The following MYO3A variants were observed in gnomAD, a reference collection of about 807,000 sequenced individuals.
MYO3A encodes myosin-IIIa.
In MYO3A, 180 loss-of-function variants were observed where a neutral mutation model predicts 192.7. The ratio of observed to expected loss-of-function variants is 0.93; its 90% confidence interval spans 0.83 to 1.06. The LOEUF is 1.06. Among genes scored for constraint, MYO3A ranks in the 50% least tolerant of loss-of-function variants. The pLI, the probability that MYO3A is intolerant of heterozygous loss-of-function variation, is 0.00. For synonymous variants in MYO3A, 628 were observed against 645.3 expected (o/e 0.97, Z 0.41); for missense variants, 1,896 against 1,905.0 (o/e 1.00, Z 0.09).
At chr10:25,986,459 A>G (rs1006308801) in intron 4 of MYO3A, among the ~76,000 whole-genome samples, 1 of 152,198 alleles carries the variant, frequency 6.6e-6, no homozygotes, top group African/African-American at 2.4e-5. Flanking sequence ...AGAAAACCCT[A>G]AAGACTCATC....
intron 4 of MYO3A, among the ~76,000 whole-genome samples, chr10:25,972,194 A>G (rs1045371547): frequency 6.6e-6 from 1 of 151,958 alleles, no homozygotes; most frequent in Admixed American, 6.6e-5. Context: ...TATAATCCCA[A>G]TTCAAATCTG....
chr10:25,988,202 G>A (rs956878868), intron 4 of MYO3A, among the ~76,000 whole-genome samples: 2 of 151,998 alleles, frequency 1.3e-5, no homozygotes, highest in African/African-American at 4.8e-5. Context: ...GGACATTGGG[G>A]ACTCGGGGGA....
At chr10:25,971,551 G>A (rs537292693) in intron 4 of MYO3A, among the ~76,000 whole-genome samples, 1 of 152,186 alleles carries the variant, frequency 6.6e-6, no homozygotes, top group South Asian at 2.1e-4. Flanking sequence ...AGTGAGTTCT[G>A]TCAATTTTGT....
intron 10 of MYO3A, among the ~76,000 whole-genome samples, chr10:26,060,797 A>G (rs1834418272): frequency 6.6e-6 from 1 of 152,256 alleles, no homozygotes; most frequent in Non-Finnish European, 1.5e-5. Context: ...AGAAATGCCC[A>G]ATATTATACA....
intron 6 of MYO3A, among the ~76,000 whole-genome samples, chr10:26,006,722 A>T (rs1170672799): frequency 6.6e-6 from 1 of 151,992 alleles, no homozygotes; most frequent in Non-Finnish European, 1.5e-5. Context: ...CAGGCTCTGA[A>T]ATTGTGGCAA....
chr10:26,177,180 T>C (rs1407861099), intron 31 of MYO3A, among the ~76,000 whole-genome samples: 2 of 151,988 alleles, frequency 1.3e-5, no homozygotes, highest in Non-Finnish European at 2.9e-5. Context: ...AAAATAGAAA[T>C]AGAAATATTT....
chr10:26,028,133 G>T (rs1266935044), intron 10 of MYO3A, among the ~76,000 whole-genome samples: 2 of 152,100 alleles, frequency 1.3e-5, no homozygotes, highest in African/African-American at 4.8e-5. Context: ...TTTTGTATTA[G>T]GACTTCATTA....
intron 17 of MYO3A, among the ~76,000 whole-genome samples, chr10:26,108,002 A>C (rs1486128022): frequency 2.0e-5 from 3 of 152,166 alleles, no homozygotes; most frequent in Admixed American, 1.3e-4. Context: ...TGAATAATGA[A>C]AGCATTTAAG....
At chr10:26,075,843 G>T (rs12766400) in intron 14 of MYO3A, among the ~76,000 whole-genome samples, 3 of 148,190 alleles carry the variant, frequency 2.0e-5, no homozygotes, top group African/African-American at 7.5e-5. Context: ...ATATATATGT[G>T]TCTCTCTCAT....
At chr10:26,027,002 C>T (rs1842584669) in intron 10 of MYO3A, among the ~76,000 whole-genome samples, 1 of 152,154 alleles carries the variant, frequency 6.6e-6, no homozygotes, top group Non-Finnish European at 1.5e-5. Context: ...ACTTTTTAAA[C>T]AACTTTGTAA....
At chr10:26,049,276 A>G (rs899190214) in intron 10 of MYO3A, among the ~76,000 whole-genome samples, 1 of 152,196 alleles carries the variant, frequency 6.6e-6, no homozygotes, top group African/African-American at 2.4e-5. Flanking sequence ...GAAAACATCC[A>G]AAGAGCCTCA....
intron 10 of MYO3A, among the ~76,000 whole-genome samples, chr10:26,038,705 T>G (rs191380246): frequency 7.9e-5 from 12 of 152,238 alleles, no homozygotes; most frequent in African/African-American, 2.4e-4. Flanking sequence ...TGGCCCTACC[T>G]AGGACTTTCA....
intron 10 of MYO3A, among the ~76,000 whole-genome samples, chr10:26,048,498 AT>A (rs1244670226): frequency 6.6e-6 from 1 of 152,108 alleles, no homozygotes; most frequent in African/African-American, 2.4e-5. Flanking sequence ...TTATTATTTC[AT>A]GTCTATTCCC....
At chr10:25,995,786 TG>T (rs1840391039) in intron 4 of MYO3A, among the ~76,000 whole-genome samples, 1 of 152,244 alleles carries the variant, frequency 6.6e-6, no homozygotes, top group African/African-American at 2.4e-5. Flanking sequence ...CCTGTTTGCC[TG>T]GGTATCAGCA....
intron 4 of MYO3A, among the ~76,000 whole-genome samples, chr10:25,982,768 C>T (rs77669838): frequency 0.018 from 2,762 of 152,200 alleles, 93 homozygotes; most frequent in African/African-American, 0.063. Context: ...AAGGGAGCAC[C>T]CTGTGGGACA....
intron 18 of MYO3A, among the ~76,000 whole-genome samples, chr10:26,121,474 G>A (rs576260008): frequency 1.3e-5 from 2 of 152,064 alleles, no homozygotes; most frequent in South Asian, 2.1e-4. Flanking sequence ...ATCACTCCTC[G>A]TCCAAAAGCT....
chr10:26,065,433 A>C (rs181603987), intron 10 of MYO3A, among the ~76,000 whole-genome samples: 1 of 151,996 alleles, frequency 6.6e-6, no homozygotes, highest in Admixed American at 6.5e-5. Flanking sequence ...AAAATGCAAA[A>C]AAATTAGCTG....
intron 31 of MYO3A, among the ~76,000 whole-genome samples, chr10:26,181,742 A>G (rs1169156971): frequency 2.0e-5 from 3 of 151,882 alleles, no homozygotes; most frequent in Non-Finnish European, 4.4e-5. Flanking sequence ...GGCAGTGTCA[A>G]CATTTTGAAA....
At chr10:25,942,729 C>A (rs555764865) in intron 2 of MYO3A, among the ~76,000 whole-genome samples, 1 of 150,768 alleles carries the variant, frequency 6.6e-6, no homozygotes, top group African/African-American at 2.4e-5. Flanking sequence ...TGCTCATTGA[C>A]CATTTGTATA....
Sources: gnomAD v4.1 joint callset for allele counts (sites outside exome capture counted in the v4.1 genomes callset) on GRCh38, gnomAD v4.1.1 for gene constraint, MANE v1.5 for transcripts, NCBI Gene and HGNC (gene_info 2026-07-23, HGNC 2026-07-21) for gene names.